CNTN4: variants seen among roughly 807,000 people sequenced by gnomAD.
CNTN4 encodes the protein contactin-4.
CNTN4 carries 77 observed loss-of-function variants against 122.5 expected under a neutral mutation model. The ratio of observed to expected loss-of-function variants is 0.63; its 90% CI spans 0.52 to 0.76. The LOEUF (loss-of-function observed/expected upper bound fraction) is 0.76, where lower values mean the gene tolerates loss of function less well. Ranked by LOEUF, CNTN4 falls within the 30% of genes least tolerant of loss-of-function variation. The pLI, the probability that CNTN4 is intolerant of heterozygous loss-of-function variation, is 0.00. For synonymous variants in CNTN4, 512 were observed against 447.0 expected, an observed-to-expected ratio of 1.15 and a Z score of -1.83; for missense variants, 1,256 against 1,259.1, an observed-to-expected ratio of 1.00 and a Z score of 0.04.
At chr3:3,015,941 A>G (rs923224997) in intron 14 of CNTN4, among the ~76,000 whole-genome samples, 3 of 152,208 alleles carry the variant, frequency 2.0e-5, no homozygotes, top group African/African-American at 7.2e-5. Flanking sequence ...CACATTGACT[A>G]TGATGAAATT....
chr3:2,500,740 C>T (rs1008265739), intron 3 of CNTN4, among the ~76,000 whole-genome samples: 1 of 151,780 alleles, frequency 6.6e-6, no homozygotes, highest in African/African-American at 2.4e-5. Flanking sequence ...TTTAATTGTC[C>T]TTTGAGTTTT....
At chr3:3,037,399 TTGC>T (rs1401933166) in intron 18 of CNTN4, 71 bp downstream of exon 18, 1 of 1,598,442 alleles carries the variant, frequency 6.3e-7, no homozygotes, top group Non-Finnish European at 8.6e-7. Context: ...GTTTGAATTC[TTGC>T]TGCTCTTCAG....
chr3:2,414,303 A>G (rs1394505597), intron 3 of CNTN4, among the ~76,000 whole-genome samples: 1 of 152,192 alleles, frequency 6.6e-6, no homozygotes, highest in Non-Finnish European at 1.5e-5. Flanking sequence ...TTTCTTCTAC[A>G]CCATTTAGCA....
At chr3:2,282,058 C>T (rs1301570885) in intron 2 of CNTN4, among the ~76,000 whole-genome samples, 1 of 151,942 alleles carries the variant, frequency 6.6e-6, no homozygotes, top group Non-Finnish European at 1.5e-5. Context: ...TTCTTATTTT[C>T]CTACACATTC....
At chr3:2,472,264 A>G (rs2075708335) in intron 3 of CNTN4, among the ~76,000 whole-genome samples, 1 of 152,028 alleles carries the variant, frequency 6.6e-6, no homozygotes, top group Non-Finnish European at 1.5e-5. Flanking sequence ...TTTTTGAGAC[A>G]GAGTCTTGTT....
chr3:2,879,147 A>C (rs2150951788), intron 8 of CNTN4, among the ~76,000 whole-genome samples: 1 of 152,308 alleles, frequency 6.6e-6, no homozygotes, highest in South Asian at 2.1e-4. Context: ...AAGATGGGCC[A>C]TAGATCCAAT....
chr3:2,764,306 G>C (rs990755209), intron 6 of CNTN4, among the ~76,000 whole-genome samples: 3 of 152,204 alleles, frequency 2.0e-5, no homozygotes, highest in African/African-American at 7.2e-5. Context: ...TTAACATAGA[G>C]AGCATTAAGA....
chr3:2,231,696 T>G (rs1469794621), intron 2 of CNTN4, among the ~76,000 whole-genome samples: 1 of 152,250 alleles, frequency 6.6e-6, no homozygotes, highest in African/African-American at 2.4e-5. Context: ...GCACTTTTTC[T>G]TCACATATTT....
At chr3:2,912,484 T>C (rs2094311413) in intron 12 of CNTN4, among the ~76,000 whole-genome samples, 1 of 152,154 alleles carries the variant, frequency 6.6e-6, no homozygotes, top group Non-Finnish European at 1.5e-5. Context: ...CACAAAACTA[T>C]ATGAAAATTT....
At chr3:2,820,556 C>A (rs2092839980) in intron 7 of CNTN4, among the ~76,000 whole-genome samples, 1 of 152,088 alleles carries the variant, frequency 6.6e-6, no homozygotes, top group African/African-American at 2.4e-5. Context: ...CTCCCATCCC[C>A]AAGAGTGGGG....
At position 2,856,077 on chromosome 3, in the gene CNTN4, A is replaced by G. The variant is rs115905157; in HGVS notation, c.455-10675A>G. Reference sequence around the variant, plus strand: ...ACTTTGGGCCTGGAGTTCAGCAATAATACTGTTGCTCCAGGAAACTTCTGG... The same window carrying G: ...ACTTTGGGCCTGGAGTTCAGCAATAGTACTGTTGCTCCAGGAAACTTCTGG... On this transcript the variant is annotated intron_variant, in intron 7 of 24. Transcript: ENST00000418658. Among the ~76,000 whole-genome samples, 418 of 152,302 alleles carry G rather than the reference A, an allele frequency of 2.7e-3. 3 individuals are homozygous for G. The highest frequency in any genetic ancestry group is 9.6e-3 in the African/African-American group (399 of 41,564).
intron 2 of CNTN4, among the ~76,000 whole-genome samples, chr3:2,289,814 A>C (rs1339334899): frequency 6.6e-6 from 1 of 152,212 alleles, no homozygotes; most frequent in East Asian, 1.9e-4. Flanking sequence ...TTCTAAGAAT[A>C]GTCATTGATG....
chr3:3,048,039 C>T lies in CNTN4; in HGVS notation c.2811+4335C>T, dbSNP rs112481882. ...CTTAATTTCCAGCTCAGTCACTCCCCCTTCTTTTTAGGAGTGGTACTGGAA... is the reference window on the plus strand; with the variant it reads ...CTTAATTTCCAGCTCAGTCACTCCCTCTTCTTTTTAGGAGTGGTACTGGAA... On this transcript the variant is annotated intron_variant, in intron 23 of 24. Coordinates refer to ENST00000418658, the MANE Select transcript of CNTN4 (RefSeq NM_175607.3). Among the ~76,000 whole-genome samples the T allele has an allele frequency of 2.6e-4, 40 of 152,228 alleles. 1 individual carries two copies. Among genetic ancestry groups the T allele is most frequent in the African/African-American group, 8.4e-4 (35 of 41,544 alleles).
At chr3:2,898,282 A>G (rs985972585) in intron 10 of CNTN4, among the ~76,000 whole-genome samples, 2 of 152,222 alleles carry the variant, frequency 1.3e-5, no homozygotes, top group Non-Finnish European at 2.9e-5. Context: ...GAATATGTTT[A>G]TATCAGTTCA....
At chr3:2,701,884 A>G (rs1343611954) in intron 4 of CNTN4, among the ~76,000 whole-genome samples, 2 of 152,200 alleles carry the variant, frequency 1.3e-5, no homozygotes, top group Admixed American at 6.5e-5. Flanking sequence ...CAGGATTTTT[A>G]TGATACAAGT....
chr3:2,284,091 AGAG>A (rs1444290157), intron 2 of CNTN4, among the ~76,000 whole-genome samples: 1 of 152,112 alleles, frequency 6.6e-6, no homozygotes, highest in Admixed American at 6.6e-5. Context: ...AGAGGCAAAT[AGAG>A]TAAGTACCCA....
chr3:2,234,738 G>A (rs552343259), intron 2 of CNTN4, among the ~76,000 whole-genome samples: 2 of 152,120 alleles, frequency 1.3e-5, no homozygotes, highest in African/African-American at 2.4e-5. Flanking sequence ...CATTTTATGA[G>A]TGTGATCGTC....
At chr3:2,178,913 A>G (rs939669725) in intron 2 of CNTN4, among the ~76,000 whole-genome samples, 2 of 152,176 alleles carry the variant, frequency 1.3e-5, no homozygotes, top group South Asian at 4.1e-4. Context: ...CGACCAAAAA[A>G]TCTGCAAATA....
chr3:2,302,044 G>A (rs2042545186), intron 2 of CNTN4, among the ~76,000 whole-genome samples: 1 of 152,296 alleles, frequency 6.6e-6, no homozygotes, highest in South Asian at 2.1e-4. Flanking sequence ...GTCTAAATTG[G>A]AACTGATCTT....
Sources: gnomAD v4.1 joint callset for allele counts (sites outside exome capture counted in the v4.1 genomes callset) on GRCh38, gnomAD v4.1.1 for gene constraint, MANE v1.5 for transcripts, NCBI Gene and HGNC (gene_info 2026-07-23, HGNC 2026-07-21) for gene names.